Variants in VTI1A observed in about 807,000 individuals in gnomAD.
VTI1A encodes vesicle transport through interaction with t-SNAREs 1A.
A neutral mutation model predicts 34.9 loss-of-function variants in VTI1A; 22 were observed. That is an observed-to-expected ratio of 0.63 (90% confidence interval 0.45 to 0.90). VTI1A has a LOEUF of 0.90. Ranked by LOEUF, VTI1A falls within the 40% of genes least tolerant of loss-of-function variation. VTI1A has a pLI of 0.00. For missense variants in VTI1A, 268 were observed against 275.6 expected (o/e 0.97, Z 0.20); for synonymous variants, 87 against 97.3 (o/e 0.89, Z 0.62).
intron 5 of VTI1A, among the ~76,000 whole-genome samples, chr10:112,545,978 ATG>A (rs774590171): frequency 1.4e-4 from 19 of 139,504 alleles, no homozygotes; most frequent in South Asian, 1.3e-3. Context: ...GTATACACGT[ATG>A]TGTGTGTATA....
chr10:112,818,822 CCAT>C (rs1853597018), downstream of VTI1A: 3 of 176,198 alleles, frequency 1.7e-5, no homozygotes, highest in East Asian at 9.7e-5. Flanking sequence ...CAGCCTCTTG[CCAT>C]CATCTGACTG....
intron 5 of VTI1A, among the ~76,000 whole-genome samples, chr10:112,570,240 C>T (rs1852067262): frequency 6.6e-6 from 1 of 151,500 alleles, no homozygotes; most frequent in Non-Finnish European, 1.5e-5. Flanking sequence ...TGGCTGTGTA[C>T]AAAATTTTTT....
At chr10:112,795,003 T>C (rs1852621363) in intron 7 of VTI1A, among the ~76,000 whole-genome samples, 1 of 152,194 alleles carries the variant, frequency 6.6e-6, no homozygotes, top group South Asian at 2.1e-4. Context: ...ACACGTGTGA[T>C]CTAATTTCAG....
chr10:112,455,862 A>G (rs1847504484), intron 1 of VTI1A, among the ~76,000 whole-genome samples: 1 of 152,090 alleles, frequency 6.6e-6, no homozygotes, highest in African/African-American at 2.4e-5. Flanking sequence ...CTCCACCTCT[A>G]TTCCAATTTA....
At chr10:112,697,269 C>G (rs577763033) in intron 7 of VTI1A, among the ~76,000 whole-genome samples, 11 of 151,562 alleles carry the variant, frequency 7.3e-5, no homozygotes, top group Non-Finnish European at 1.5e-4. Context: ...TCTCGGCACT[C>G]TGCAACCTCC....
At chr10:112,470,600 G>T (rs978270277) in intron 3 of VTI1A, among the ~76,000 whole-genome samples, 1 of 152,184 alleles carries the variant, frequency 6.6e-6, no homozygotes, top group African/African-American at 2.4e-5. Flanking sequence ...AAAAGTGCTG[G>T]GTGCGGTGGT....
intron 7 of VTI1A, among the ~76,000 whole-genome samples, chr10:112,755,200 G>A (rs1431442344): frequency 3.9e-5 from 6 of 152,086 alleles, no homozygotes; most frequent in Non-Finnish European, 7.4e-5. Flanking sequence ...AGGTTGCAGC[G>A]AGCCGAGATT....
intron 7 of VTI1A, among the ~76,000 whole-genome samples, chr10:112,675,275 T>C (rs1847983829): frequency 6.6e-6 from 1 of 152,194 alleles, no homozygotes; most frequent in African/African-American, 2.4e-5. Context: ...ATACTGTTAC[T>C]CCCATTTTAA....
At chr10:112,789,366 C>A (rs941668918) in intron 7 of VTI1A, among the ~76,000 whole-genome samples, 1 of 152,188 alleles carries the variant, frequency 6.6e-6, no homozygotes, top group Non-Finnish European at 1.5e-5. Context: ...TAGAATATGT[C>A]ATTCCACTGT....
chr10:112,773,311 T>C (rs1228231179), intron 7 of VTI1A, among the ~76,000 whole-genome samples: 1 of 152,224 alleles, frequency 6.6e-6, no homozygotes, highest in Non-Finnish European at 1.5e-5. Flanking sequence ...ACATAGTACC[T>C]GGTACCTAGT....
chr10:112,740,942 G>A (rs1850673708), intron 7 of VTI1A, among the ~76,000 whole-genome samples: 1 of 152,204 alleles, frequency 6.6e-6, no homozygotes, highest in Non-Finnish European at 1.5e-5. Context: ...AGCAACTGAT[G>A]AGTGTATAAA....
intron 3 of VTI1A, among the ~76,000 whole-genome samples, chr10:112,474,005 C>G (rs1315065077): frequency 6.6e-6 from 1 of 152,084 alleles, no homozygotes; most frequent in African/African-American, 2.4e-5. Flanking sequence ...ACTTTACATA[C>G]TTAACATTTC....
At chr10:112,570,792 A>G (rs1852088554) in intron 5 of VTI1A, among the ~76,000 whole-genome samples, 1 of 152,256 alleles carries the variant, frequency 6.6e-6, no homozygotes, top group Admixed American at 6.5e-5. Context: ...GCATTTTCCC[A>G]CGTTCCTCCT....
At chr10:112,703,775 G>A (rs1849098043) in intron 7 of VTI1A, among the ~76,000 whole-genome samples, 1 of 152,084 alleles carries the variant, frequency 6.6e-6, no homozygotes, top group Non-Finnish European at 1.5e-5. Context: ...CCTCACTCAT[G>A]TTATTTTTCA....
chr10:112,795,101 C>T (rs1391025640), intron 7 of VTI1A, among the ~76,000 whole-genome samples: 2 of 152,224 alleles, frequency 1.3e-5, no homozygotes, highest in African/African-American at 4.8e-5. Context: ...CACCTGGCAT[C>T]ATAGCCGTTT....
At chr10:112,628,903 G>A (rs1846022957) in intron 5 of VTI1A, among the ~76,000 whole-genome samples, 1 of 152,006 alleles carries the variant, frequency 6.6e-6, no homozygotes. Flanking sequence ...TACATTTAAA[G>A]TATGAGTTTT....
intron 3 of VTI1A, among the ~76,000 whole-genome samples, chr10:112,506,953 G>GTT (rs201026504): frequency 5.7e-5 from 8 of 140,338 alleles, no homozygotes; most frequent in East Asian, 4.1e-4. Flanking sequence ...TTTTATGGGT[G>GTT]TTTTTTTTTT....
At chr10:112,716,009 C>T (rs1044877194) in intron 7 of VTI1A, among the ~76,000 whole-genome samples, 28 of 152,142 alleles carry the variant, frequency 1.8e-4, no homozygotes, top group Admixed American at 5.9e-4. Flanking sequence ...ACTCGGGATG[C>T]GCATCAGCCC....
intron 3 of VTI1A, among the ~76,000 whole-genome samples, chr10:112,524,392 T>C (rs1054035534): frequency 6.6e-6 from 1 of 152,192 alleles, no homozygotes; most frequent in African/African-American, 2.4e-5. Flanking sequence ...CGTCTTTTCA[T>C]TCTTTAGGAA....
Sources: gnomAD v4.1 joint callset for allele counts (sites outside exome capture counted in the v4.1 genomes callset) on GRCh38, gnomAD v4.1.1 for gene constraint, MANE v1.5 for transcripts, NCBI Gene and HGNC (gene_info 2026-07-23, HGNC 2026-07-21) for gene names.